The following SCML4 variants were observed in gnomAD, a reference collection of about 807,000 sequenced individuals.
SCML4 encodes the protein sex comb on midleg-like protein 4.
Under a neutral mutation model 41.1 loss-of-function variants are expected in SCML4, and 34 were observed. The ratio of observed to expected loss-of-function variants is 0.83; its 90% CI spans 0.63 to 1.10. The LOEUF is 1.10. Among genes scored for constraint, SCML4 ranks in the 50% least tolerant of loss-of-function variants. The pLI, the probability that SCML4 is intolerant of heterozygous loss-of-function variation, is 0.00. For synonymous variants in SCML4, 214 were observed against 220.9 expected, an observed-to-expected ratio of 0.97 and a Z score of 0.28; for missense variants, 522 against 534.1, an observed-to-expected ratio of 0.98 and a Z score of 0.22.
intron 1 of SCML4, among the ~76,000 whole-genome samples, chr6:107,819,820 C>T (rs926434769): frequency 3.9e-5 from 6 of 152,106 alleles, no homozygotes; most frequent in African/African-American, 7.2e-5. Flanking sequence ...ATAGTCACCC[C>T]GGGAAATATG....
At chr6:107,723,108 C>G (rs1163648590) in intron 5 of SCML4, among the ~76,000 whole-genome samples, 1 of 151,864 alleles carries the variant, frequency 6.6e-6, no homozygotes, top group Non-Finnish European at 1.5e-5. Flanking sequence ...GAAATGAAAA[C>G]CTGAAAGAGA....
intron 3 of SCML4, 104 bp downstream of exon 3, chr6:107,749,580 G>C: frequency 7.2e-7 from 1 of 1,387,954 alleles, no homozygotes; most frequent in Non-Finnish European, 1.0e-6. Context: ...GCTCATTTGA[G>C]CCATCTCAGC....
At chr6:107,811,621 A>G (rs1784165857) in intron 1 of SCML4, among the ~76,000 whole-genome samples, 1 of 152,214 alleles carries the variant, frequency 6.6e-6, no homozygotes, top group Non-Finnish European at 1.5e-5. Flanking sequence ...GTCTTCTTCA[A>G]TCCCCCTGAA....
At chr6:107,764,684 AG>A (rs1295001168) in intron 2 of SCML4, among the ~76,000 whole-genome samples, 1 of 152,178 alleles carries the variant, frequency 6.6e-6, no homozygotes, top group Non-Finnish European at 1.5e-5. Flanking sequence ...AAAACAAAAA[AG>A]TTCTATCTGA....
intron 5 of SCML4, among the ~76,000 whole-genome samples, chr6:107,737,595 T>G (rs1316522704): frequency 2.0e-5 from 3 of 152,066 alleles, no homozygotes; most frequent in Non-Finnish European, 4.4e-5. Context: ...TTTCTCTGTG[T>G]GAGCAGGACT....
chr6:107,824,620 A>C (rs1016688040), upstream of SCML4, among the ~76,000 whole-genome samples: 1 of 151,998 alleles, frequency 6.6e-6, no homozygotes, highest in Non-Finnish European at 1.5e-5. Context: ...TGGTAGTTAC[A>C]TCCTTGTAAT....
At chr6:107,764,853 T>C (rs1583525767) in intron 2 of SCML4, among the ~76,000 whole-genome samples, 2 of 152,174 alleles carry the variant, frequency 1.3e-5, no homozygotes, top group East Asian at 1.9e-4. Flanking sequence ...CCAGATCTGA[T>C]GGTTTTACAA....
chr6:107,745,436 T>A (rs1777984039), intron 4 of SCML4: 2 of 271,264 alleles, frequency 7.4e-6, no homozygotes, highest in Non-Finnish European at 1.4e-5. Flanking sequence ...CAGGGTAAAA[T>A]GTCCCTCCGT....
At chr6:107,761,732 C>T (rs1397322133) in intron 2 of SCML4, among the ~76,000 whole-genome samples, 2 of 151,892 alleles carry the variant, frequency 1.3e-5, no homozygotes, top group African/African-American at 2.4e-5. Context: ...CCACTATACC[C>T]GGCAAAATAT....
chr6:107,837,242 G>A, the SCML4 span, among the ~76,000 whole-genome samples: 1 of 152,160 alleles, frequency 6.6e-6, no homozygotes, highest in Non-Finnish European at 1.5e-5. Flanking sequence ...GAACCATTAG[G>A]AACCATCATG....
At chr6:107,834,091 T>A in the SCML4 span, among the ~76,000 whole-genome samples, 1 of 152,244 alleles carries the variant, frequency 6.6e-6, no homozygotes, top group Admixed American at 6.5e-5. Context: ...GAGCAAGAGG[T>A]AACTGACCTG....
intron 1 of SCML4, among the ~76,000 whole-genome samples, chr6:107,794,551 A>T (rs1242522074): frequency 2.0e-5 from 3 of 152,164 alleles, no homozygotes; most frequent in African/African-American, 7.2e-5. Flanking sequence ...TTATATGTAT[A>T]CGTATGTATA....
intron 2 of SCML4, among the ~76,000 whole-genome samples, chr6:107,751,901 G>A (rs572040606): frequency 5.3e-5 from 8 of 152,194 alleles, no homozygotes; most frequent in African/African-American, 1.9e-4. Flanking sequence ...CCAAAGTGCT[G>A]GGATTACAGG....
upstream of SCML4, among the ~76,000 whole-genome samples, chr6:107,829,008 T>C (rs936411060): frequency 4.6e-5 from 7 of 152,210 alleles, no homozygotes; most frequent in African/African-American, 1.7e-4. Flanking sequence ...TTTAAAATGT[T>C]CTTAATAAAT....
intron 6 of SCML4, 88 bp downstream of exon 6, chr6:107,720,615 C>A: frequency 6.9e-7 from 1 of 1,448,670 alleles, no homozygotes; most frequent in Non-Finnish European, 9.1e-7. Context: ...TTTAAACAGC[C>A]ACACTCCCCC....
intron 6 of SCML4, among the ~76,000 whole-genome samples, chr6:107,717,760 C>T (rs6568487): frequency 0.54 from 81,904 of 152,042 alleles, 23,664 homozygotes; most frequent in Middle Eastern, 0.69. Context: ...GTTGGTCAGG[C>T]TGGTCTCAAA....
At chr6:107,757,918 G>T (rs1036582967) in intron 2 of SCML4, among the ~76,000 whole-genome samples, 4 of 152,034 alleles carry the variant, frequency 2.6e-5, no homozygotes, top group Non-Finnish European at 5.9e-5. Flanking sequence ...TCTGCAAATC[G>T]ACCCTTTTTC....
chr6:107,774,208 G>A (rs530882624), intron 1 of SCML4, among the ~76,000 whole-genome samples: 7 of 152,036 alleles, frequency 4.6e-5, no homozygotes, highest in African/African-American at 1.2e-4. Context: ...AAAAATACTC[G>A]GTCTCATTGA....
intron 1 of SCML4, among the ~76,000 whole-genome samples, chr6:107,781,417 C>T (rs558698793): frequency 1.3e-4 from 20 of 152,166 alleles, no homozygotes; most frequent in East Asian, 5.8e-4. Flanking sequence ...GAGGCCGAGG[C>T]GGGTGGATTG....
Sources: allele counts gnomAD v4.1 joint callset (sites outside exome capture counted in the v4.1 genomes callset), GRCh38; gene constraint gnomAD v4.1.1; transcripts MANE v1.5; gene names NCBI Gene and HGNC (gene_info 2026-07-23, HGNC 2026-07-21).